ZNF804B: variants seen among roughly 807,000 people sequenced by gnomAD.
The protein encoded by ZNF804B is zinc finger 804B.
A neutral mutation model predicts 101.4 loss-of-function variants in ZNF804B; 80 were observed. The observed-to-expected ratio is 0.79, with a 90% CI of 0.66 to 0.95. ZNF804B has a LOEUF of 0.95. Among genes scored for constraint, ZNF804B ranks in the 40% least tolerant of loss-of-function variants. The probability of loss-of-function intolerance (pLI) is 0.00; values close to 1 mark genes in which losing one functional copy is unlikely to be tolerated. For synonymous variants in ZNF804B, 622 were observed against 558.8 expected, an observed-to-expected ratio of 1.11 and a Z score of -1.59; for missense variants, 1,673 against 1,561.9, an observed-to-expected ratio of 1.07 and a Z score of -1.20.
At chr7:89,199,096 C>A (rs1321410382) in intron 1 of ZNF804B, among the ~76,000 whole-genome samples, 1 of 151,886 alleles carries the variant, frequency 6.6e-6, no homozygotes, top group African/African-American at 2.4e-5. Context: ...ACTGGCCCCA[C>A]TGGAAGAAAA....
chr7:88,862,549 G>T (rs959439635), intron 1 of ZNF804B, among the ~76,000 whole-genome samples: 14 of 152,136 alleles, frequency 9.2e-5, no homozygotes, highest in African/African-American at 3.4e-4. Flanking sequence ...TGTTCTAGTT[G>T]AAAATTTATT....
intron 1 of ZNF804B, among the ~76,000 whole-genome samples, chr7:89,198,640 A>G (rs910067393): frequency 6.6e-6 from 1 of 152,028 alleles, no homozygotes; most frequent in Non-Finnish European, 1.5e-5. Flanking sequence ...TTTATTGTTC[A>G]TCTTTGAGTA....
chr7:88,780,732 G>A (rs996097034), intron 1 of ZNF804B, among the ~76,000 whole-genome samples: 2 of 152,036 alleles, frequency 1.3e-5, no homozygotes, highest in Admixed American at 6.6e-5. Context: ...CTATAAAGAC[G>A]CTTTCTGAGA....
chr7:88,776,678 C>G (rs778667747), intron 1 of ZNF804B, among the ~76,000 whole-genome samples: 1 of 142,658 alleles, frequency 7.0e-6, no homozygotes, highest in Non-Finnish European at 1.5e-5. Flanking sequence ...GATATTTAAT[C>G]TAAAACTACT....
At chr7:89,308,364 A>G (rs1265947199) in intron 2 of ZNF804B, among the ~76,000 whole-genome samples, 9 of 152,072 alleles carry the variant, frequency 5.9e-5, no homozygotes. Flanking sequence ...TTCAGTGAGA[A>G]TATTCAGGGC....
At chr7:89,273,130 A>G (rs539814186) in intron 2 of ZNF804B, among the ~76,000 whole-genome samples, 4 of 152,284 alleles carry the variant, frequency 2.6e-5, no homozygotes, top group Admixed American at 2.6e-4. Flanking sequence ...CTATGTCATC[A>G]TAAAAATGCA....
At chr7:89,234,366 T>C (rs1314949708) in intron 2 of ZNF804B, among the ~76,000 whole-genome samples, 1 of 152,162 alleles carries the variant, frequency 6.6e-6, no homozygotes, top group East Asian at 1.9e-4. Flanking sequence ...CCAGAGTCTT[T>C]ACCCACTCTT....
At chr7:88,786,436 A>G (rs1434043290) in intron 1 of ZNF804B, among the ~76,000 whole-genome samples, 2 of 151,916 alleles carry the variant, frequency 1.3e-5, no homozygotes, top group Admixed American at 1.3e-4. Context: ...AGCACTGCTG[A>G]TTTTTTTTCT....
chr7:89,178,744 C>G (rs1562906777), intron 1 of ZNF804B, among the ~76,000 whole-genome samples: 3 of 152,136 alleles, frequency 2.0e-5, no homozygotes, highest in Non-Finnish European at 2.9e-5. Context: ...TTTCTTTGTG[C>G]TTACTATTCC....
intron 1 of ZNF804B, among the ~76,000 whole-genome samples, chr7:88,936,487 G>T (rs905547663): frequency 6.6e-6 from 1 of 152,050 alleles, no homozygotes; most frequent in Non-Finnish European, 1.5e-5. Context: ...TCTTCATAGC[G>T]AAGAGGGAAA....
chr7:88,769,541 C>T (rs138282509), intron 1 of ZNF804B, among the ~76,000 whole-genome samples: 11 of 152,110 alleles, frequency 7.2e-5, no homozygotes, highest in South Asian at 2.1e-4. Flanking sequence ...TTAGTTAAGC[C>T]GTATTTTTTC....
intron 1 of ZNF804B, among the ~76,000 whole-genome samples, chr7:88,821,198 A>G (rs911912435): frequency 2.6e-5 from 4 of 152,198 alleles, no homozygotes; most frequent in African/African-American, 9.6e-5. Flanking sequence ...GTTATACACC[A>G]TAATTCCCTG....
In ZNF804B at chr7:89,208,059, T is replaced by C. The variant is rs1300464192; in HGVS notation, c.109-10096T>C. Among the ~76,000 whole-genome samples the C allele has an allele frequency of 2.0e-5, 3 of 151,522 alleles. No individual in the cohort carries two copies. The Admixed American group carries it at 2.0e-4, about 10-fold the overall frequency. ...CAGCAAAAGTTCATTGGTTTATGTG[T>C]GTTATATTTACTATTTTATTGGGTT... On this transcript the variant is annotated intron_variant, in intron 1 of 3. Coordinates refer to ENST00000333190, the MANE Select transcript of ZNF804B (RefSeq NM_181646.5).
At chr7:88,976,481 T>G (rs1221037197) in intron 1 of ZNF804B, among the ~76,000 whole-genome samples, 2 of 151,562 alleles carry the variant, frequency 1.3e-5, no homozygotes, top group African/African-American at 4.8e-5. Context: ...TCCCAGATAC[T>G]TGATTTTATT....
rs56693128 is a variant in ZNF804B, at chr7:89,103,048, G to GTTTTT, written c.109-115076_109-115072dup. ...TTCTATTCCATTGACCTATGTGTCTGTTTTTTTTTTTTTTTTTTTTTTTTT... is the reference window on the plus strand; with the variant it reads ...TTCTATTCCATTGACCTATGTGTCTGTTTTTTTTTTTTTTTTTTTTTTTTTTTTTT... On this transcript the variant is annotated intron_variant, in intron 1 of 3. Transcript: ENST00000333190. 4.2e-3 allele frequency among the ~76,000 whole-genome samples: 142 copies of GTTTTT among 33,746 alleles called. 22 individuals are homozygous for GTTTTT. The highest frequency in any genetic ancestry group is 0.03 in the East Asian group (20 of 658). 22.1% of individuals were successfully genotyped at this position (33,746 alleles called of 152,430 possible).
At chr7:88,827,479 C>G (rs1791066103) in intron 1 of ZNF804B, among the ~76,000 whole-genome samples, 2 of 151,136 alleles carry the variant, frequency 1.3e-5, no homozygotes, top group Admixed American at 6.6e-5. Context: ...TTCAGAAAAA[C>G]TTTTATGTTA....
At chr7:88,848,115 T>C (rs1791401809) in intron 1 of ZNF804B, among the ~76,000 whole-genome samples, 1 of 152,080 alleles carries the variant, frequency 6.6e-6, no homozygotes, top group African/African-American at 2.4e-5. Context: ...TACTACAGCA[T>C]CCAATAGGGA....
intron 1 of ZNF804B, among the ~76,000 whole-genome samples, chr7:88,942,671 T>TG (rs1793073114): frequency 6.6e-6 from 1 of 151,624 alleles, no homozygotes; most frequent in South Asian, 2.1e-4. Flanking sequence ...GTATTACACT[T>TG]AAAAAAAACC....
intron 1 of ZNF804B, among the ~76,000 whole-genome samples, chr7:88,900,931 T>C (rs1212757868): frequency 6.6e-6 from 1 of 151,888 alleles, no homozygotes; most frequent in East Asian, 1.9e-4. Context: ...ATAGCCGTAG[T>C]ACATACAGAA....
Sources: gnomAD v4.1 joint callset for allele counts (sites outside exome capture counted in the v4.1 genomes callset) on GRCh38, gnomAD v4.1.1 for gene constraint, MANE v1.5 for transcripts, NCBI Gene and HGNC (gene_info 2026-07-23, HGNC 2026-07-21) for gene names.